Variants in CCN4 observed in about 807,000 individuals in gnomAD.
The protein encoded by CCN4 is CCN family member 4.
A neutral mutation model predicts 36.7 loss-of-function variants in CCN4; 30 were observed. The ratio of observed to expected loss-of-function variants is 0.82; its 90% CI spans 0.61 to 1.11. The LOEUF (loss-of-function observed/expected upper bound fraction) is 1.11. Among genes scored for constraint, CCN4 ranks in the 50% least tolerant of loss-of-function variants. CCN4 has a pLI of 0.00. For synonymous variants in CCN4, 191 were observed against 195.4 expected (o/e 0.98, Z 0.19); for missense variants, 505 against 504.9 (o/e 1.00, Z 0.00).
intron 2 of CCN4, among the ~76,000 whole-genome samples, chr8:133,213,675 A>G (rs1405512619): frequency 6.7e-6 from 1 of 148,532 alleles, no homozygotes; most frequent in Non-Finnish European, 1.5e-5. Context: ...TCTGAAATAT[A>G]ATATAGTATA....
intron 2 of CCN4, among the ~76,000 whole-genome samples, chr8:133,213,842 ATATACACTATATATAGTAGTTAAATATAC>A (rs1564260743): frequency 1.5e-4 from 20 of 131,394 alleles, no homozygotes; most frequent in South Asian, 5.7e-4. Flanking sequence ...AATATACTAT[ATATACACTATATATAGTAGTTAAATATAC>A]TATACACTAT....
At chr8:133,191,356 C>A in intron 1 of CCN4, 143 bp downstream of exon 1, 1 of 1,011,366 alleles carries the variant, frequency 9.9e-7, no homozygotes, top group Non-Finnish European at 1.4e-6. Flanking sequence ...AAGGACAGAG[C>A]CCAGGGTGAG....
At chr8:133,203,793 C>T (rs777893371) in intron 1 of CCN4, among the ~76,000 whole-genome samples, 22 of 152,190 alleles carry the variant, frequency 1.4e-4, no homozygotes, top group Admixed American at 3.3e-4. Flanking sequence ...TCAAACGGGA[C>T]GCTTCAGATA....
At chr8:133,213,986 T>TAGTTATATATAGTATATATAAC (rs1564261012) in intron 2 of CCN4, among the ~76,000 whole-genome samples, 1 of 880 alleles carries the variant, frequency 1.1e-3, no homozygotes, top group Non-Finnish European at 5.6e-3. Flanking sequence ...TATATAGTAG[T>TAGTTATATATAGTATATATAAC]TATATATACT....
chr8:133,226,403 A>G (rs1170233431), intron 4 of CCN4, among the ~76,000 whole-genome samples: 1 of 152,108 alleles, frequency 6.6e-6, no homozygotes, highest in East Asian at 1.9e-4. Flanking sequence ...TCCCCTAGAC[A>G]CCTTCTCCAG....
At chr8:133,217,546 C>T (rs997962457) in intron 2 of CCN4, among the ~76,000 whole-genome samples, 10 of 152,146 alleles carry the variant, frequency 6.6e-5, no homozygotes, top group Non-Finnish European at 7.3e-5. Flanking sequence ...CATCTGCAGC[C>T]GTCATGCATC....
intron 1 of CCN4, among the ~76,000 whole-genome samples, chr8:133,195,595 C>T (rs540071257): frequency 3.3e-5 from 5 of 152,218 alleles, no homozygotes; most frequent in East Asian, 1.9e-4. Context: ...CCCCTCCAGC[C>T]GACAGCTTAT....
Position 133,212,687 on chromosome 8 carries a change from G to T in CCN4, c.70-177G>T, listed in dbSNP as rs7828546. Among the ~76,000 whole-genome samples, 850 of 152,294 alleles carry T rather than the reference G, an allele frequency of 5.6e-3. 9 individuals carry two copies. Among genetic ancestry groups the T allele is most frequent in the African/African-American group, 0.017 (699 of 41,558 alleles). On this transcript the variant is annotated intron_variant, in intron 1 of 4. Transcript: ENST00000250160. Reference sequence around the variant, plus strand: ...ACTTCGCTGCATGTTGGGCTCCTCTGTTCTATTTGTTTTACTGAGAATAAA... The same window carrying T: ...ACTTCGCTGCATGTTGGGCTCCTCTTTTCTATTTGTTTTACTGAGAATAAA...
At position 133,191,160 on chromosome 8, in the gene CCN4, C is replaced by T. The variant is rs763794115; in HGVS notation, c.16C>T (p.Pro6Ser). MRWFL[P>S]WTLAAVTAAA... ...ACGTCCAGGCATGAGGTGGTTCCTG[C>T]CCTGGACGCTGGCAGCAGTGACAGC... Residue 6 changes from proline to serine, a missense_variant, in exon 1 of 5, where the codon CCC becomes TCC. Transcript: ENST00000250160. The T allele has an allele frequency of 6.8e-6, 11 of 1,606,590 alleles. No homozygotes were observed. The South Asian group carries it at 1.1e-4, about 16-fold the overall frequency.
chr8:133,197,767 G>T (rs1853441556), intron 1 of CCN4, among the ~76,000 whole-genome samples: 1 of 152,162 alleles, frequency 6.6e-6, no homozygotes, highest in South Asian at 2.1e-4. Flanking sequence ...GGGGTAGGGT[G>T]AGAGAAAATG....
intron 3 of CCN4, 136 bp downstream of exon 3, chr8:133,220,977 C>A (rs1854506475): frequency 1.7e-6 from 2 of 1,211,906 alleles, no homozygotes; most frequent in Non-Finnish European, 1.1e-6. Context: ...GAAAGTCATA[C>A]CTCCCCTGAG....
chr8:133,206,104 T>C (rs1157530742), intron 1 of CCN4, among the ~76,000 whole-genome samples: 2 of 152,122 alleles, frequency 1.3e-5, no homozygotes, highest in Non-Finnish European at 2.9e-5. Flanking sequence ...ACCAGGGTAC[T>C]AGAGGCTGGG....
intron 2 of CCN4, among the ~76,000 whole-genome samples, chr8:133,217,936 C>CCA (rs58105917): frequency 1.6e-3 from 226 of 144,518 alleles, no homozygotes; most frequent in South Asian, 8.4e-3. Context: ...ACTCCCTTCT[C>CCA]CACACACACA....
rs77577221 is a variant in CCN4, at chr8:133,220,753, C to A, written c.522C>A (p.Ser174Arg). 2 of 1,613,440 alleles carry A rather than the reference C, an allele frequency of 1.2e-6. No homozygotes were observed. The highest frequency in any genetic ancestry group is 4.5e-5 in the East Asian group (2 of 44,860). ...RLWCPHPRRV[S>R]IPGHCCEQWV... ...GGTGCCCCCACCCGCGGCGCGTGAG[C>A]ATACCTGGCCACTGCTGTGAGCAGT... is the stretch of plus-strand genomic sequence containing the variant. The change falls in exon 3 of 5, where the codon AGC (serine) becomes AGA (arginine). Residue 174 changes from serine (S) to arginine (R), a missense_variant. Transcript: ENST00000250160.
In CCN4 at chr8:133,191,191, C is replaced by A. The variant is rs1853095092; in HGVS notation, c.47C>A (p.Ala16Asp). 6.2e-7 allele frequency: 1 copy of A among 1,606,120 alleles called. No individual in the cohort carries two copies. Among genetic ancestry groups the A allele is most frequent in the African/African-American group, 1.3e-5 (1 of 74,998 alleles). Reference protein sequence around the residue: ...PWTLAAVTAAAASTVLATALS... With the variant: ...PWTLAAVTAADASTVLATALS... ...ACGCTGGCAGCAGTGACAGCAGCAG[C>A]CGCCAGCACCGTCCTGGCCACGGTG... is the stretch of plus-strand genomic sequence containing the variant. Residue 16 changes from alanine to aspartate, a missense_variant, in exon 1 of 5, where the codon GCC becomes GAC. By Grantham distance (126) the Ala-to-Asp change is moderately radical. Coordinates refer to ENST00000250160, the MANE Select transcript of CCN4 (RefSeq NM_003882.4).
chr8:133,224,987 A>T (rs1000943985), intron 3 of CCN4, among the ~76,000 whole-genome samples: 2 of 151,876 alleles, frequency 1.3e-5, no homozygotes, highest in Admixed American at 6.6e-5. Flanking sequence ...TGATTGATGC[A>T]TACTCAGTAA....
At chr8:133,220,003 C>T (rs1287690095) in intron 2 of CCN4, among the ~76,000 whole-genome samples, 1 of 152,010 alleles carries the variant, frequency 6.6e-6, no homozygotes, top group African/African-American at 2.4e-5. Flanking sequence ...TCCCCCCGCC[C>T]AACTCCCCCT....
chr8:133,213,002 A>G lies in CCN4; in HGVS notation c.208A>G (p.Thr70Ala). 6.2e-7 allele frequency: 1 copy of G among 1,614,142 alleles called. No individual in the cohort carries two copies. The change falls in exon 2 of 5, where the codon ACA (threonine) becomes GCA (alanine). Residue 70 changes from threonine to alanine, a missense_variant. Transcript: ENST00000250160. ...PRCPLGVSLI[T>A]DGCECCKMCA... ...CTGCCCGCTGGGGGTCAGCCTCATC[A>G]CAGATGGCTGTGAGTGCTGTAAGAT...
intron 3 of CCN4, among the ~76,000 whole-genome samples, chr8:133,223,011 G>A (rs1365078353): frequency 6.6e-6 from 1 of 151,944 alleles, no homozygotes. Flanking sequence ...TGCCAGAAGC[G>A]CCCGCTCCCT....
Sources: gnomAD v4.1 joint callset for allele counts (sites outside exome capture counted in the v4.1 genomes callset) on GRCh38, gnomAD v4.1.1 for gene constraint, MANE v1.5 for transcripts, NCBI Gene and HGNC (gene_info 2026-07-23, HGNC 2026-07-21) for gene names.